The following DPP8 variants were observed in gnomAD, a reference collection of about 807,000 sequenced individuals.
DPP8 encodes dipeptidyl peptidase 8, also known as DPP VIII.
In DPP8, 31 loss-of-function variants were observed where a neutral mutation model predicts 107.5. The ratio of observed to expected loss-of-function variants is 0.29; its 90% CI spans 0.22 to 0.39. The LOEUF (loss-of-function observed/expected upper bound fraction) is 0.39. DPP8 is among the 10% of genes least tolerant of loss of function. DPP8 has a pLI of 1.00. For synonymous variants in DPP8, 381 were observed against 356.6 expected, an observed-to-expected ratio of 1.07 and a Z score of -0.77; for missense variants, 842 against 1,076.1, an observed-to-expected ratio of 0.78 and a Z score of 3.04.
intron 10 of DPP8, among the ~76,000 whole-genome samples, chr15:65,479,493 T>C (rs561685994): frequency 6.6e-6 from 1 of 152,350 alleles, no homozygotes; most frequent in South Asian, 2.1e-4. Flanking sequence ...TGGCTTTATT[T>C]ATTTTGTATC....
chr15:65,501,714 C>G (rs532587399), intron 3 of DPP8, among the ~76,000 whole-genome samples: 1 of 152,166 alleles, frequency 6.6e-6, no homozygotes, highest in Non-Finnish European at 1.5e-5. Context: ...CATCACTGAT[C>G]TGAATAAAAC....
At chr15:65,447,078 C>T (rs2063534874) in intron 19 of DPP8, 72 bp from the exon 20 acceptor site, 6 of 1,250,810 alleles carry the variant, frequency 4.8e-6, no homozygotes, top group Non-Finnish European at 6.6e-6. Context: ...CCAAAGCTTT[C>T]CAGAGATTTT....
At chr15:65,511,556 T>G (rs1375660364) in intron 2 of DPP8, among the ~76,000 whole-genome samples, 4 of 150,970 alleles carry the variant, frequency 2.6e-5, no homozygotes, top group Non-Finnish European at 5.9e-5. Flanking sequence ...GGGAGGACTG[T>G]TTGAGCCTGG....
chr15:65,451,050 G>A lies in DPP8; in HGVS notation c.2475C>T (p.Thr825=), dbSNP rs1416365626. Residue 825 remains threonine (T), a synonymous_variant, in exon 19 of 20, where the codon ACC becomes ACT. Transcript: ENST00000300141. Reference sequence around the variant, plus strand: ...TCACTAAAAAACTCAGTAATATACTGGTATGTGCAAAATGGACATTCTCAT... The same window carrying A: ...TCACTAAAAAACTCAGTAATATACTAGTATGTGCAAAATGGACATTCTCAT... ...FLDENVHFAH[T]SILLSFLVRA... The A allele has an allele frequency of 1.9e-6, 3 of 1,612,464 alleles. No homozygotes were observed. In the African/African-American group the frequency reaches 4.0e-5, roughly 22 times the overall value.
intron 3 of DPP8, among the ~76,000 whole-genome samples, chr15:65,503,043 G>A (rs946344429): frequency 7.9e-5 from 12 of 152,092 alleles, no homozygotes; most frequent in African/African-American, 2.9e-4. Flanking sequence ...GCTGACCCTA[G>A]TAATATTCAT....
chr15:65,505,222 G>A (rs2069809614), intron 3 of DPP8, among the ~76,000 whole-genome samples: 1 of 151,678 alleles, frequency 6.6e-6, no homozygotes, highest in African/African-American at 2.4e-5. Context: ...GGGCATGGTG[G>A]TGGGAGCCTG....
At chr15:65,469,843 A>T (rs2065701707) in intron 12 of DPP8, among the ~76,000 whole-genome samples, 1 of 151,596 alleles carries the variant, frequency 6.6e-6, no homozygotes, top group Non-Finnish European at 1.5e-5. Flanking sequence ...CTCAAAAAAG[A>T]AAAAGAAGCT....
chr15:65,496,335 A>C (rs1489942299), intron 5 of DPP8, among the ~76,000 whole-genome samples: 1 of 151,834 alleles, frequency 6.6e-6, no homozygotes, highest in Non-Finnish European at 1.5e-5. Context: ...ATGATTAAGA[A>C]AGATGACAGT....
intron 4 of DPP8, 75 bp downstream of exon 4, chr15:65,500,531 A>C: frequency 1.7e-6 from 2 of 1,185,274 alleles, no homozygotes; most frequent in Non-Finnish European, 2.4e-6. Context: ...TTTGTTTATT[A>C]ATTACCTTTC....
At position 65,444,098 on chromosome 15, in the gene DPP8, T is replaced by C. The variant is rs1426950225; in HGVS notation, c.*2786A>G. The C allele has an allele frequency of 6.6e-6, 1 of 152,232 alleles. No homozygotes were observed. Among genetic ancestry groups the C allele is most frequent in the Non-Finnish European group, 1.5e-5 (1 of 68,060 alleles). 9.4% of individuals were successfully genotyped at this position (152,232 alleles called of 1,614,324 possible). A position where few individuals can be genotyped will look rare whatever the true frequency, so the allele number is the denominator to read the frequency against. On this transcript the variant is annotated 3_prime_UTR_variant, in exon 20 of 20. Coordinates refer to ENST00000300141, the MANE Select transcript of DPP8 (RefSeq NM_130434.5). ...TGCCCAGCTAATTTTTTTGTACTTT[T>C]AGTAGAGACGGGGTTTCACCATGTC...
Position 65,480,362 on chromosome 15 carries a change from G to C in DPP8, c.1156C>G (p.Leu386Val). 1 of 1,613,416 alleles carries C rather than the reference G, an allele frequency of 6.2e-7. No individual in the cohort carries two copies. The highest frequency in any genetic ancestry group is 1.7e-4 in the Middle Eastern group (1 of 6,060). The change falls in exon 10 of 20, where the codon CTA becomes GTA. Residue 386 changes from leucine to valine, a missense_variant. Coordinates refer to ENST00000300141, the MANE Select transcript of DPP8 (RefSeq NM_130434.5). ...SILLDRSQTR[L>V]QIVLISPELF... The stretch of plus-strand genomic sequence containing the variant: ...TCAGGTGAGATCAACACTATCTGTA[G>C]GCGAGTCTGGGAGCGATCTAGTAGG...
intron 3 of DPP8, among the ~76,000 whole-genome samples, chr15:65,506,644 T>C (rs942565279): frequency 2.5e-3 from 42 of 17,002 alleles, no homozygotes; most frequent in East Asian, 9.5e-3. Flanking sequence ...ACATAACATA[T>C]ATAAAATATA....
intron 17 of DPP8, 83 bp downstream of exon 17, chr15:65,454,180 G>T: frequency 8.3e-6 from 8 of 969,472 alleles, no homozygotes; most frequent in Non-Finnish European, 1.1e-5. Context: ...TAAACCTTCA[G>T]AAAATAGACA....
chr15:65,497,069 T>C (rs1437297793), intron 5 of DPP8, among the ~76,000 whole-genome samples: 1 of 152,068 alleles, frequency 6.6e-6, no homozygotes, highest in Non-Finnish European at 1.5e-5. Flanking sequence ...TTTGTATTTT[T>C]AGTAGAGACA....
chr15:65,481,612 T>C lies in DPP8; in HGVS notation c.1021A>G (p.Ile341Val), dbSNP rs528901363. Residue 341 changes from isoleucine to valine, a missense_variant, in exon 9 of 20, where the codon ATA (isoleucine) becomes GTA (valine). By Grantham distance (29) the Ile-to-Val change is conservative. Around this residue, in one of 2 missense-constraint regions of DPP8, gnomAD observed 663 missense variants for 758.0 expected, o/e 0.87. Transcript: ENST00000300141. ...EIMIDAEGRI[I>V]DVIDKELIQP... ...ATTAGTTCCTTATCTATGACATCTA[T>C]GATCTATTAAAAAAGAAAAAAAAAG... 1.1e-5 allele frequency: 16 copies of C among 1,449,036 alleles called. No individual in the cohort carries two copies. The highest frequency in any genetic ancestry group is 4.4e-5 in the African/African-American group (3 of 68,530). The allele number at this position is 1,449,036 out of a possible 1,614,324, so 89.8% of individuals were successfully genotyped here. A position where few individuals can be genotyped will look rare whatever the true frequency, so the allele number is the denominator to read the frequency against.
chr15:65,486,328 G>C (rs2067433826), intron 7 of DPP8, among the ~76,000 whole-genome samples: 1 of 152,012 alleles, frequency 6.6e-6, no homozygotes, highest in East Asian at 1.9e-4. Context: ...CTTGAACCTG[G>C]GAGGCGGAGG....
chr15:65,489,413 C>CTTT (rs71924792), intron 6 of DPP8, among the ~76,000 whole-genome samples: 5,007 of 104,172 alleles, frequency 0.048, 839 homozygotes, highest in African/African-American at 0.16. Context: ...ATATAATCTA[C>CTTT]TTTTTTTTTT....
intron 12 of DPP8, among the ~76,000 whole-genome samples, chr15:65,470,195 C>CAAAAAAAAAAA (rs11310623): frequency 2.5e-3 from 145 of 58,262 alleles, no homozygotes; most frequent in Non-Finnish European, 3.4e-3. Context: ...ACTCTTGTCT[C>CAAAAAAAAAAA]AAAAAAAAAA....
At chr15:65,470,773 G>T (rs1009599582) in intron 12 of DPP8, among the ~76,000 whole-genome samples, 1 of 152,018 alleles carries the variant, frequency 6.6e-6, no homozygotes, top group African/African-American at 2.4e-5. Flanking sequence ...ACAAAAATTA[G>T]CTGGGCATGG....
Sources: allele counts gnomAD v4.1 joint callset (sites outside exome capture counted in the v4.1 genomes callset), GRCh38; gene constraint gnomAD v4.1.1; regional missense constraint gnomAD v4.1.1; transcripts MANE v1.5; gene names NCBI Gene and HGNC (gene_info 2026-07-23, HGNC 2026-07-21).